The following MYH13 variants were observed in gnomAD, a reference collection of about 807,000 sequenced individuals.
MYH13 encodes myosin-13.
A neutral mutation model predicts 232.1 loss-of-function variants in MYH13; 177 were observed. The observed-to-expected ratio is 0.76, with a 90% CI of 0.67 to 0.86. The LOEUF (loss-of-function observed/expected upper bound fraction) is 0.86. MYH13 is among the 40% of genes least tolerant of loss of function. The probability of loss-of-function intolerance (pLI) is 0.00; values close to 1 mark genes in which losing one functional copy is unlikely to be tolerated. For missense variants in MYH13, 2,246 were observed against 2,405.9 expected (o/e 0.93, Z 1.39); for synonymous variants, 884 against 923.5 (o/e 0.96, Z 0.78).
chr17:10,312,771 A>AT lies in MYH13; in HGVS notation c.4182-15dup, dbSNP rs202132532. 4,003 of 1,512,730 alleles carry AT rather than the reference A, an allele frequency of 2.6e-3. 5 individuals are homozygous for AT. The highest frequency in any genetic ancestry group is 3.2e-3 in the Non-Finnish European group (3,551 of 1,113,874). The allele number at this position is 1,512,730 out of a possible 1,614,324, so 93.7% of individuals were successfully genotyped here. A position where few individuals can be genotyped will look rare whatever the true frequency, so the allele number is the denominator to read the frequency against. On this transcript the variant is annotated splice_polypyrimidine_tract_variant and intron_variant, in intron 30 of 40. Transcript: ENST00000252172. Reference sequence around the variant, plus strand: ...GCCAGTTTTTTCCTACGAAAACCAGATTTTTTTTTTCCCCTTCGCAAAGGT... The same window carrying AT: ...GCCAGTTTTTTCCTACGAAAACCAGATTTTTTTTTTTCCCCTTCGCAAAGGT...
intron 35 of MYH13, 94 bp downstream of exon 35, chr17:10,309,140 C>T (rs1206964899): frequency 9.1e-6 from 12 of 1,318,662 alleles, no homozygotes; most frequent in Middle Eastern, 2.7e-4. Context: ...CGGCGTGGGC[C>T]CTGAGTGGAG....
chr17:10,301,425 T>G (rs1404757860), intron 40 of MYH13, 144 bp downstream of exon 40: 1 of 1,287,690 alleles, frequency 7.8e-7, no homozygotes, highest in African/African-American at 1.5e-5. Flanking sequence ...CCCCTACATC[T>G]CAGGTACCTG....
At chr17:10,330,320 G>T in intron 21 of MYH13, 67 bp downstream of exon 21, 1 of 1,585,228 alleles carries the variant, frequency 6.3e-7, no homozygotes. Flanking sequence ...AAGACTAAAA[G>T]CAGGAAGTGA....
intron 27 of MYH13, among the ~76,000 whole-genome samples, chr17:10,318,553 A>G (rs1906798670): frequency 1.3e-5 from 2 of 152,152 alleles, no homozygotes; most frequent in South Asian, 4.1e-4. Context: ...CAAAATTGTG[A>G]GTGATAAATT....
intron 2 of MYH13, among the ~76,000 whole-genome samples, chr17:10,370,835 G>T (rs151300731): frequency 6.6e-6 from 1 of 152,316 alleles, no homozygotes; most frequent in African/African-American, 2.4e-5. Flanking sequence ...GAGGGAAGGT[G>T]CAGCTGTGTG....
At chr17:10,372,089 G>T (rs895716183) in intron 1 of MYH13, among the ~76,000 whole-genome samples, 1 of 152,128 alleles carries the variant, frequency 6.6e-6, no homozygotes. Flanking sequence ...TATCCTTGTT[G>T]CCTCCTTCCT....
chr17:10,338,091 A>C (rs2142252607), intron 18 of MYH13, among the ~76,000 whole-genome samples: 1 of 152,196 alleles, frequency 6.6e-6, no homozygotes, highest in South Asian at 2.1e-4. Flanking sequence ...TACCAAAAGC[A>C]TTCCTCCCAG....
chr17:10,304,000 T>C (rs1567654082), intron 37 of MYH13, among the ~76,000 whole-genome samples: 1 of 152,134 alleles, frequency 6.6e-6, no homozygotes, highest in Non-Finnish European at 1.5e-5. Context: ...AAACCATCAT[T>C]CTCAGCAAAC....
chr17:10,364,443 G>C lies in MYH13; in HGVS notation c.88C>G (p.Arg30Gly), dbSNP rs780968912. The change falls in exon 3 of 41, where the codon CGT becomes GGT. Residue 30 changes from arginine (R) to glycine (G), a missense_variant. Transcript: ENST00000252172. Reference protein sequence around the residue: ...PEKERIEAQNRPFDSKKACFV... With the variant: ...PEKERIEAQNGPFDSKKACFV... Reference sequence around the variant, plus strand: ...CAGGCTTTCTTGGAATCGAATGGACGATTTTGAGCCTCGATTCTCTCCTTC... The same window carrying C: ...CAGGCTTTCTTGGAATCGAATGGACCATTTTGAGCCTCGATTCTCTCCTTC... The C allele has an allele frequency of 4.6e-5, 75 of 1,612,968 alleles. No individual in the cohort carries two copies. Among genetic ancestry groups the C allele is most frequent in the Non-Finnish European group, 6.0e-5 (71 of 1,179,532 alleles).
chr17:10,306,118 T>C lies in MYH13; in HGVS notation c.5466+341A>G, dbSNP rs1011074767. ...TGTAGAGTATATGTTAATAGTTTTT[T>C]CCATGTATGTGCGTGCATCTGAATC... is the stretch of plus-strand genomic sequence containing the variant. On this transcript the variant is annotated intron_variant, in intron 37 of 40. Coordinates refer to ENST00000252172, the MANE Select transcript of MYH13 (RefSeq NM_003802.3). This position sits in a 1 kb window ranked among gnomAD's most constrained non-coding sequence, Gnocchi z 4.3. 2.6e-5 allele frequency among the ~76,000 whole-genome samples: 4 copies of C among 152,176 alleles called. No homozygotes were observed. The highest frequency in any genetic ancestry group is 9.7e-5 in the African/African-American group (4 of 41,438).
At chr17:10,315,656 C>G (rs750981428) in intron 29 of MYH13, 37 bp downstream of exon 29, 1 of 1,581,470 alleles carries the variant, frequency 6.3e-7, no homozygotes, top group Admixed American at 1.7e-5. Context: ...GTCATATAGC[C>G]TGGCTTCTCA....
At chr17:10,323,015 GC>G (rs1907030417) in intron 23 of MYH13, among the ~76,000 whole-genome samples, 4 of 152,092 alleles carry the variant, frequency 2.6e-5, no homozygotes, top group African/African-American at 7.2e-5. Context: ...GCTCCTAATG[GC>G]TACGTAGTGC....
chr17:10,353,298 A>G (rs1327814085), intron 11 of MYH13, among the ~76,000 whole-genome samples: 1 of 152,176 alleles, frequency 6.6e-6, no homozygotes, highest in African/African-American at 2.4e-5. Flanking sequence ...TTTTTCTTTT[A>G]ACACTATTAG....
chr17:10,307,206 A>G, intron 35 of MYH13, 142 bp from the exon 36 acceptor site: 2 of 1,020,046 alleles, frequency 2.0e-6, no homozygotes, highest in Non-Finnish European at 2.8e-6. Flanking sequence ...TGGGTACAGT[A>G]CTGTACATTC....
rs773138633 is a variant in MYH13, at chr17:10,346,779, G to A, written c.1164C>T (p.Tyr388=). 1.2e-6 allele frequency: 2 copies of A among 1,613,764 alleles called. No homozygotes were observed. The highest frequency in any genetic ancestry group is 8.5e-7 in the Non-Finnish European group (1 of 1,179,794). ...TTTCTGCAGAATTCAGTCCCATCAG[G>A]TATCCGGCTTTGTCAGCCACTGAAG... ...DGTEVADKAG[Y]LMGLNSAEML... The change falls in exon 13 of 41, where the codon TAC becomes TAT. Residue 388 remains tyrosine, a synonymous_variant. Coordinates refer to ENST00000252172, the MANE Select transcript of MYH13 (RefSeq NM_003802.3).
chr17:10,355,105 C>A lies in MYH13; in HGVS notation c.781G>T (p.Ala261Ser), dbSNP rs762446282. 1 of 1,595,168 alleles carries A rather than the reference C, an allele frequency of 6.3e-7. No individual in the cohort carries two copies. The highest frequency in any genetic ancestry group is 1.1e-5 in the South Asian group (1 of 88,482). Reference protein sequence around the residue: ...RIHFGATGKLASADIETYLLE... With the variant: ...RIHFGATGKLSSADIETYLLE... ...TCACAAGTTTCGATGTCTGCCGATG[C>A]CAGCTTTCCTGTGGCTCCAAAATGA... Residue 261 changes from alanine (A) to serine (S), a missense_variant, in exon 9 of 41, where the codon GCA becomes TCA. Physicochemically the swap from Ala to Ser is moderately conservative, Grantham distance 99. Coordinates refer to ENST00000252172, the MANE Select transcript of MYH13 (RefSeq NM_003802.3).
In MYH13 at chr17:10,350,709, A is replaced by G. The variant is rs1191129741; in HGVS notation, c.1006-15T>C. 3 of 1,613,392 alleles carry G rather than the reference A, an allele frequency of 1.9e-6. No homozygotes were observed. The highest frequency in any genetic ancestry group is 2.5e-6 in the Non-Finnish European group (3 of 1,179,678). On this transcript the variant is annotated splice_polypyrimidine_tract_variant and intron_variant, in intron 11 of 40. Transcript: ENST00000252172. ...TCAATGGCATTCTGGAAAGAAAAAA[A>G]GGACAACTGTCATAGCAGGAATCAG...
chr17:10,310,894 T>C (rs1463041435), intron 33 of MYH13, among the ~76,000 whole-genome samples: 1 of 152,166 alleles, frequency 6.6e-6, no homozygotes, highest in Non-Finnish European at 1.5e-5. Context: ...TGAACACATT[T>C]ATTTATTTTC....
intron 1 of MYH13, 120 bp downstream of exon 1, chr17:10,372,859 C>T (rs945620746): frequency 3.3e-5 from 5 of 152,244 alleles, no homozygotes; most frequent in African/African-American, 1.2e-4. Flanking sequence ...AACACAAGAC[C>T]TTGCACTTAG....
Sources: allele counts gnomAD v4.1 joint callset (sites outside exome capture counted in the v4.1 genomes callset), GRCh38; gene constraint gnomAD v4.1.1; non-coding constraint Gnocchi (gnomAD v3.1); transcripts MANE v1.5; gene names NCBI Gene and HGNC (gene_info 2026-07-23, HGNC 2026-07-21).